Variants in G3BP1 observed in about 807,000 individuals in gnomAD.
The protein encoded by G3BP1 is ras GTPase-activating protein-binding protein 1.
G3BP1 carries 35 observed loss-of-function variants against 58.6 expected under a neutral mutation model. That is an observed-to-expected ratio of 0.60 (90% CI 0.46 to 0.79). G3BP1 has a LOEUF of 0.79. G3BP1 is among the 30% of genes least tolerant of loss of function. The probability of loss-of-function intolerance (pLI) is 0.00; values close to 1 mark genes in which losing one functional copy is unlikely to be tolerated. For missense variants in G3BP1, 523 were observed against 580.8 expected (o/e 0.90, Z 1.02); for synonymous variants, 191 against 195.4 (o/e 0.98, Z 0.19).
At chr5:151,775,279 T>C (rs1762347735) in intron 1 of G3BP1, among the ~76,000 whole-genome samples, 1 of 152,220 alleles carries the variant, frequency 6.6e-6, no homozygotes, top group Non-Finnish European at 1.5e-5. Context: ...ACACATCTAC[T>C]TAGTAGGGAT....
chr5:151,800,435 A>T, intron 10 of G3BP1, 89 bp downstream of exon 10: 1 of 919,980 alleles, frequency 1.1e-6, no homozygotes, highest in Non-Finnish European at 1.6e-6. Flanking sequence ...ATATGTAATT[A>T]TAAATTTTCT....
In G3BP1 at chr5:151,806,673, A is replaced by G. The variant is rs1356803903; in HGVS notation, c.*2582A>G. The stretch of plus-strand genomic sequence containing the variant: ...TAGGGCAACATTTTCTATAGGTGGC[A>G]GCAGTAGGAGCTCATCACATTGAAC... On this transcript the variant is annotated 3_prime_UTR_variant, in exon 12 of 12. Transcript: ENST00000356245. 1.3e-5 allele frequency: 2 copies of G among 152,256 alleles called. No homozygotes were observed. Among genetic ancestry groups the G allele is most frequent in the Non-Finnish European group, 2.9e-5 (2 of 68,044 alleles). The allele number at this position is 152,256 out of a possible 1,614,324, so 9.4% of individuals were successfully genotyped here.
At chr5:151,792,518 A>C (rs1289750219) in intron 4 of G3BP1, among the ~76,000 whole-genome samples, 1 of 152,244 alleles carries the variant, frequency 6.6e-6, no homozygotes, top group Non-Finnish European at 1.5e-5. Context: ...TTTCTTTTAA[A>C]GGAAGTATCT....
At position 151,797,364 on chromosome 5, in the gene G3BP1, A is replaced by G. The variant is rs755058108; in HGVS notation, c.677A>G (p.Asp226Gly). Residue 226 changes from aspartate (D) to glycine (G), a missense_variant, in exon 7 of 12, where the codon GAT (aspartate) becomes GGT (glycine). This residue lies in a region of G3BP1 where 398 missense variants were observed against 399.1 expected (regional missense o/e 1.00). Coordinates refer to ENST00000356245, the MANE Select transcript of G3BP1 (RefSeq NM_005754.3). Reference protein sequence around the residue: ...EPVLEETAPEDAQKSSSPAPA... With the variant: ...EPVLEETAPEGAQKSSSPAPA... The stretch of plus-strand genomic sequence containing the variant: ...GTATTAGAAGAAACTGCCCCTGAGG[A>G]TGCTCAGAAGAGTTCTTCTCCAGCA... 2.5e-6 allele frequency: 4 copies of G among 1,613,974 alleles called. No individual in the cohort carries two copies. In the South Asian group the frequency reaches 4.4e-5, roughly 18 times the overall value.
intron 4 of G3BP1, chr5:151,791,903 T>G (rs916725956): frequency 2.9e-6 from 1 of 345,814 alleles, no homozygotes; most frequent in Non-Finnish European, 5.7e-6. Context: ...GTGATCTGCC[T>G]GCCTCAGCCT....
At position 151,795,461 on chromosome 5, in the gene G3BP1, T is replaced by A; in HGVS notation, c.443-18T>A. 1 of 1,311,802 alleles carries A rather than the reference T, an allele frequency of 7.6e-7. No homozygotes were observed. Among genetic ancestry groups the A allele is most frequent in the Non-Finnish European group, 1.1e-6 (1 of 913,762 alleles). The allele number at this position is 1,311,802 out of a possible 1,614,324, so 81.3% of individuals were successfully genotyped here. On this transcript the variant is annotated intron_variant, in intron 5 of 11. Transcript: ENST00000356245. ...TTCAGTAAGTACAAATTACTTTAAA[T>A]ATCTTTTTCTCACTTAGAGTCTGAA...
intron 11 of G3BP1, among the ~76,000 whole-genome samples, chr5:151,802,825 C>G (rs1273130455): frequency 1.3e-5 from 2 of 151,736 alleles, no homozygotes; most frequent in Non-Finnish European, 2.9e-5. Flanking sequence ...CCCAGCTACT[C>G]GGGAGACTGA....
At chr5:151,802,390 C>G (rs1762869861) in intron 11 of G3BP1, among the ~76,000 whole-genome samples, 1 of 152,204 alleles carries the variant, frequency 6.6e-6, no homozygotes, top group South Asian at 2.1e-4. Context: ...ATGCTCCCTT[C>G]ACTAATTTTT....
At position 151,810,158 on chromosome 5, in the gene G3BP1, T is replaced by G. The variant is rs1372835283; in HGVS notation, c.*6067T>G. 1 of 152,232 alleles carries G rather than the reference T, an allele frequency of 6.6e-6. No homozygotes were observed. The highest frequency in any genetic ancestry group is 1.9e-4 in the East Asian group (1 of 5,196). The allele number at this position is 152,232 out of a possible 1,614,324, so 9.4% of individuals were successfully genotyped here. ...TATATCAAGGTCTTAATATTACTTT[T>G]GAGTTATTTCTCCCACTCTTCATGG... On this transcript the variant is annotated 3_prime_UTR_variant, in exon 12 of 12. Coordinates refer to ENST00000356245, the MANE Select transcript of G3BP1 (RefSeq NM_005754.3).
chr5:151,785,347 G>T (rs1183428704), intron 1 of G3BP1, among the ~76,000 whole-genome samples: 2 of 152,174 alleles, frequency 1.3e-5, no homozygotes, highest in Non-Finnish European at 2.9e-5. Context: ...CAAGAATAAT[G>T]CAAAGATGGA....
intron 4 of G3BP1, chr5:151,791,769 G>A (rs567086607): frequency 5.1e-6 from 1 of 194,894 alleles, no homozygotes; most frequent in South Asian, 8.1e-5. Flanking sequence ...CTGTCCTCCT[G>A]ACTCAGCCTC....
intron 1 of G3BP1, among the ~76,000 whole-genome samples, chr5:151,781,209 A>G (rs1762464715): frequency 6.6e-6 from 1 of 152,256 alleles, no homozygotes; most frequent in African/African-American, 2.4e-5. Flanking sequence ...AAATTTATCA[A>G]AATGAACCCA....
intron 1 of G3BP1, among the ~76,000 whole-genome samples, chr5:151,780,219 C>T (rs572549052): frequency 6.6e-6 from 1 of 152,206 alleles, no homozygotes; most frequent in East Asian, 1.9e-4. Flanking sequence ...TGTTTGCTGT[C>T]CATTTAGTAC....
intron 7 of G3BP1, 40 bp from the exon 8 acceptor site, chr5:151,799,172 T>C (rs745724718): frequency 3.1e-6 from 3 of 954,328 alleles, no homozygotes; most frequent in African/African-American, 3.2e-5. Flanking sequence ...ATTGTTTTGA[T>C]ACCTGGTATA....
At chr5:151,783,660 G>A (rs77755241) in intron 1 of G3BP1, among the ~76,000 whole-genome samples, 1,722 of 152,068 alleles carry the variant, frequency 0.011, 27 homozygotes, top group African/African-American at 0.032. Context: ...CAAAGTGCTG[G>A]GATTACAGGC....
chr5:151,786,795 T>G, intron 2 of G3BP1, 80 bp downstream of exon 2: 1 of 873,196 alleles, frequency 1.1e-6, no homozygotes, highest in East Asian at 2.4e-5. Context: ...CCACTCATCA[T>G]CTTATGCTTT....
At chr5:151,797,464 G>A in intron 7 of G3BP1, 36 bp downstream of exon 7, 1 of 1,557,534 alleles carries the variant, frequency 6.4e-7, no homozygotes, top group South Asian at 1.2e-5. Flanking sequence ...TCTATTCCTA[G>A]TTATTTTTTT....
chr5:151,796,335 C>T (rs1762748715), intron 6 of G3BP1, among the ~76,000 whole-genome samples: 1 of 152,230 alleles, frequency 6.6e-6, no homozygotes, highest in African/African-American at 2.4e-5. Flanking sequence ...GTGGCGCGAT[C>T]TTGGCTGACT....
rs746883229 is a variant in G3BP1, at chr5:151,790,382, C to G, written c.155C>G (p.Ala52Gly). The change falls in exon 3 of 12, where the codon GCA becomes GGA. Residue 52 changes from alanine to glycine, a missense_variant. Ala to Gly is a moderately conservative substitution (Grantham distance 60). Coordinates refer to ENST00000356245, the MANE Select transcript of G3BP1 (RefSeq NM_005754.3). The part of the protein sequence containing the change: ...HGGLDSNGKP[A>G]DAVYGQKEIH... The stretch of plus-strand genomic sequence containing the variant: ...GGATTGGATTCAAATGGAAAGCCAG[C>G]AGATGCAGTCTACGGACAGAAAGTA... 1 of 1,580,734 alleles carries G rather than the reference C, an allele frequency of 6.3e-7. No individual in the cohort carries two copies.
Sources: allele counts gnomAD v4.1 joint callset (sites outside exome capture counted in the v4.1 genomes callset), GRCh38; gene constraint gnomAD v4.1.1; regional missense constraint gnomAD v4.1.1; transcripts MANE v1.5; gene names NCBI Gene and HGNC (gene_info 2026-07-23, HGNC 2026-07-21).